TENM2: variants seen among roughly 807,000 people sequenced by gnomAD.
TENM2 encodes the protein teneurin-2.
Under a neutral mutation model 245.2 loss-of-function variants are expected in TENM2, and 52 were observed. The observed-to-expected ratio is 0.21, with a 90% CI of 0.17 to 0.27. The LOEUF (loss-of-function observed/expected upper bound fraction) is 0.27. Among genes scored for constraint, TENM2 ranks in the 10% least tolerant of loss-of-function variants. TENM2 has a pLI of 1.00. For synonymous variants in TENM2, 1,363 were observed against 1,438.9 expected (o/e 0.95, Z 1.19); for missense variants, 3,046 against 3,666.8 (o/e 0.83, Z 4.37).
intron 2 of TENM2, among the ~76,000 whole-genome samples, chr5:167,749,861 T>G (rs530908697): frequency 6.6e-6 from 1 of 152,224 alleles, no homozygotes; most frequent in South Asian, 2.1e-4. Flanking sequence ...GTATAGTTTA[T>G]CAATAAAGAG....
intron 2 of TENM2, among the ~76,000 whole-genome samples, chr5:167,418,842 A>G (rs933778065): frequency 7.2e-5 from 11 of 152,138 alleles, no homozygotes; most frequent in Non-Finnish European, 1.5e-4. Context: ...ATGTGGGTTG[A>G]GGTGCGGGAA....
chr5:168,163,250 G>A (rs1264050980), intron 13 of TENM2, among the ~76,000 whole-genome samples: 1 of 152,182 alleles, frequency 6.6e-6, no homozygotes, highest in Non-Finnish European at 1.5e-5. Flanking sequence ...GTAAAATTGA[G>A]ACCCAAACCC....
intron 1 of TENM2, chr5:167,309,779 G>A (rs1581713258): frequency 6.6e-6 from 1 of 152,144 alleles, no homozygotes; most frequent in South Asian, 2.1e-4. Flanking sequence ...GAGGCTAAAA[G>A]AGTCTTATTA....
intron 2 of TENM2, among the ~76,000 whole-genome samples, chr5:167,625,585 T>C (rs937788169): frequency 3.3e-5 from 5 of 152,212 alleles, no homozygotes; most frequent in Non-Finnish European, 7.3e-5. Flanking sequence ...AAAACCACTA[T>C]AAGTTAGATA....
At chr5:167,272,061 T>C in the TENM2 span, among the ~76,000 whole-genome samples, 1 of 152,120 alleles carries the variant, frequency 6.6e-6, no homozygotes, top group South Asian at 2.1e-4. Flanking sequence ...AAGAGGAGAC[T>C]GGAAATCTTA....
chr5:167,131,896 C>A, the TENM2 span, among the ~76,000 whole-genome samples: 637 of 152,274 alleles, frequency 4.2e-3, 9 homozygotes, highest in African/African-American at 0.014. Flanking sequence ...GATCTCAGCT[C>A]ACTGCAACCT....
At chr5:168,178,942 C>G (rs148158839) in intron 13 of TENM2, among the ~76,000 whole-genome samples, 2,046 of 152,194 alleles carry the variant, frequency 0.013, 26 homozygotes, top group Non-Finnish European at 0.018. Context: ...CAAGACCAGG[C>G]TAGCCAACAT....
chr5:168,181,762 C>T (rs569726509), intron 13 of TENM2, among the ~76,000 whole-genome samples: 1 of 150,486 alleles, frequency 6.6e-6, no homozygotes, highest in African/African-American at 2.4e-5. Context: ...CTGCAACCTC[C>T]ACCTCCCGAG....
Position 168,244,686 on chromosome 5 carries a change from G to A in TENM2, c.5787G>A (p.Gly1929=). 1.3e-6 allele frequency: 2 copies of A among 1,493,822 alleles called. No homozygotes were observed. The highest frequency in any genetic ancestry group is 1.4e-5 in the South Asian group (1 of 72,486). The allele number at this position is 1,493,822 out of a possible 1,614,324, so 92.5% of individuals were successfully genotyped here. ...TCGTGTCCCGCATGTTCGCTGACGG[G>A]AAAGTGTGGAGCTACTCCTACCTTG... Residue 1929 remains glycine (G), a synonymous_variant, in exon 26 of 29, where the codon GGG becomes GGA. Transcript: ENST00000518659. The surrounding 1 kb of genome is among the most constrained non-coding windows in gnomAD (Gnocchi z 4.9).
chr5:168,148,322 G>C (rs191519142), intron 12 of TENM2, among the ~76,000 whole-genome samples: 54 of 152,322 alleles, frequency 3.5e-4, no homozygotes, highest in Admixed American at 1.5e-3. Flanking sequence ...CAAAATTGAA[G>C]AGTGGCACCT....
chr5:168,243,937 GTTTTTTT>G (rs1170318631), intron 25 of TENM2, among the ~76,000 whole-genome samples: 3 of 125,526 alleles, frequency 2.4e-5, no homozygotes, highest in Non-Finnish European at 5.0e-5. Flanking sequence ...CTTTTCTTTG[GTTTTTTT>G]TTTTTTTTTT....
chr5:167,630,552 A>T (rs1303592013), intron 2 of TENM2, among the ~76,000 whole-genome samples: 1 of 152,190 alleles, frequency 6.6e-6, no homozygotes, highest in East Asian at 1.9e-4. Context: ...ACGAAGTGAA[A>T]TTGCCGCAAA....
chr5:167,419,317 A>T (rs1485981956), intron 2 of TENM2, among the ~76,000 whole-genome samples: 1 of 151,886 alleles, frequency 6.6e-6, no homozygotes, highest in Non-Finnish European at 1.5e-5. Context: ...CAAAAATTAG[A>T]TGGGCATGGT....
At chr5:167,482,925 A>G (rs1353457430) in intron 2 of TENM2, among the ~76,000 whole-genome samples, 3 of 152,172 alleles carry the variant, frequency 2.0e-5, no homozygotes, top group East Asian at 3.9e-4. Flanking sequence ...AGGAATATCC[A>G]TTTCTTCAGA....
rs1562320617 is a variant in TENM2 at position 168,238,186 on chromosome 5, G to GA, written c.5521-6234_5521-6233insA. Among the ~76,000 whole-genome samples, 104 of 35,330 alleles carry GA rather than the reference G, an allele frequency of 2.9e-3. 14 individuals are homozygous for GA. The African/African-American group carries it at 0.039, about 13-fold the overall frequency. 23.2% of individuals were successfully genotyped at this position (35,330 alleles called of 152,430 possible). A position where few individuals can be genotyped will look rare whatever the true frequency, so the allele number is the denominator to read the frequency against. ...GAGAGAGAGAGAGAGAGAGAGAGAG[G>GA]GAGGGAGGGAGGGAGGGAGGGAGGG... is the stretch of plus-strand genomic sequence containing the variant. On this transcript the variant is annotated intron_variant, in intron 25 of 28. Transcript: ENST00000518659.
At chr5:167,184,158 T>G in the TENM2 span, among the ~76,000 whole-genome samples, 1 of 152,230 alleles carries the variant, frequency 6.6e-6, no homozygotes, top group Non-Finnish European at 1.5e-5. Context: ...TTTGAAGATA[T>G]CCGAGAAAAT....
intron 1 of TENM2, among the ~76,000 whole-genome samples, chr5:167,347,311 A>G (rs1343142040): frequency 6.6e-6 from 1 of 152,110 alleles, no homozygotes; most frequent in Non-Finnish European, 1.5e-5. Context: ...GCTGTTTGCT[A>G]TGCAATTTGC....
At chr5:167,333,223 A>C (rs73367432) in intron 1 of TENM2, among the ~76,000 whole-genome samples, 3,910 of 152,296 alleles carry the variant, frequency 0.026, 167 homozygotes, top group African/African-American at 0.088. Context: ...AAGGCAAATC[A>C]GAGAAAATGG....
At chr5:167,655,565 T>C (rs377363146) in intron 2 of TENM2, among the ~76,000 whole-genome samples, 1 of 152,224 alleles carries the variant, frequency 6.6e-6, no homozygotes, top group African/African-American at 2.4e-5. Context: ...GTGTTGAACA[T>C]GCACAAAATC....
Sources: allele counts gnomAD v4.1 joint callset (sites outside exome capture counted in the v4.1 genomes callset), GRCh38; gene constraint gnomAD v4.1.1; non-coding constraint Gnocchi (gnomAD v3.1); transcripts MANE v1.5; gene names NCBI Gene and HGNC (gene_info 2026-07-23, HGNC 2026-07-21).